Variants in GRB10 observed in about 807,000 individuals in gnomAD.
GRB10 encodes growth factor receptor bound protein 10, also known as growth factor receptor-bound protein 10.
In GRB10, 20 loss-of-function variants were observed where a neutral mutation model predicts 80.9. The observed-to-expected ratio is 0.25, with a 90% CI of 0.17 to 0.36. The LOEUF is 0.36. Among genes scored for constraint, GRB10 ranks in the 10% least tolerant of loss-of-function variants. The pLI, the probability that GRB10 is intolerant of heterozygous loss-of-function variation, is 1.00. For synonymous variants in GRB10, 291 were observed against 291.5 expected (o/e 1.00, Z 0.02); for missense variants, 548 against 747.7 (o/e 0.73, Z 3.12).
intron 7 of GRB10, among the ~76,000 whole-genome samples, chr7:50,643,413 A>C (rs954096056): frequency 6.6e-6 from 1 of 152,212 alleles, no homozygotes; most frequent in Non-Finnish European, 1.5e-5. Flanking sequence ...ACACAAACCA[A>C]AATGGCCCTT....
chr7:50,685,499 A>C (rs996155272), intron 5 of GRB10, among the ~76,000 whole-genome samples: 6 of 152,208 alleles, frequency 3.9e-5, no homozygotes, highest in Admixed American at 2.0e-4. Context: ...AGGGATCCCA[A>C]GCCCCAGCGT....
At chr7:50,682,031 G>A (rs1046123354) in intron 5 of GRB10, among the ~76,000 whole-genome samples, 7 of 152,336 alleles carry the variant, frequency 4.6e-5, no homozygotes, top group East Asian at 3.9e-4. Flanking sequence ...AGGGGGCTTT[G>A]CTTTCCTTGG....
intron 5 of GRB10, among the ~76,000 whole-genome samples, chr7:50,695,612 C>T (rs962539811): frequency 6.6e-6 from 1 of 152,172 alleles, no homozygotes; most frequent in African/African-American, 2.4e-5. Flanking sequence ...TCCGTGAGTT[C>T]TAATGGCTCC....
Position 50,616,352 on chromosome 7 carries a change from T to C in GRB10, c.847-5A>G. The C allele has an allele frequency of 1.9e-6, 3 of 1,613,538 alleles. No individual in the cohort carries two copies. Among genetic ancestry groups the C allele is most frequent in the Non-Finnish European group, 2.5e-6 (3 of 1,179,438 alleles). On this transcript the variant is annotated splice_polypyrimidine_tract_variant and splice_region_variant and intron_variant, in intron 10 of 18. Coordinates refer to ENST00000401949, the MANE Select transcript of GRB10 (RefSeq NM_001350814.2). ...ACTACTGGAGTTCAGAAAATTCTGT[T>C]GAAGAACAAATTTTTAAAATCACAT... is the stretch of plus-strand genomic sequence containing the variant.
intron 5 of GRB10, among the ~76,000 whole-genome samples, chr7:50,696,288 G>GCACT (rs1446757585): frequency 5.3e-5 from 8 of 152,110 alleles, no homozygotes; most frequent in African/African-American, 1.7e-4. Context: ...CCACTTCTTC[G>GCACT]CACTCACCAG....
intron 8 of GRB10, among the ~76,000 whole-genome samples, chr7:50,622,894 G>A (rs2052098685): frequency 6.6e-6 from 1 of 151,938 alleles, no homozygotes; most frequent in African/African-American, 2.4e-5. Flanking sequence ...GGGCTCAGGT[G>A]ATCCTCCTGC....
intron 2 of GRB10, among the ~76,000 whole-genome samples, chr7:50,769,894 T>C (rs1164727078): frequency 3.9e-5 from 6 of 152,144 alleles, no homozygotes; most frequent in Non-Finnish European, 7.4e-5. Context: ...TCGAATGACG[T>C]TGGTATCACA....
rs938297115 is a variant in GRB10, at chr7:50,597,322, G to A, written c.1545-1792C>T. On this transcript the variant is annotated intron_variant, in intron 17 of 18. Coordinates refer to ENST00000401949, the MANE Select transcript of GRB10 (RefSeq NM_001350814.2). ...TTGGCTTGGTCAGGCCAGATGGGAC[G>A]GCGTGAGGAAGCTCAGACCCCACTG... Among the ~76,000 whole-genome samples the A allele has an allele frequency of 1.2e-4, 18 of 152,318 alleles. No individual in the cohort carries two copies. In the East Asian group the frequency reaches 2.9e-3, roughly 24 times the overall value.
intron 8 of GRB10, among the ~76,000 whole-genome samples, chr7:50,623,388 C>T (rs1037379155): frequency 6.6e-6 from 1 of 152,222 alleles, no homozygotes; most frequent in Non-Finnish European, 1.5e-5. Context: ...CAAGTGCGTC[C>T]AGTAGTGAAT....
chr7:50,617,804 A>T, intron 10 of GRB10: 1 of 539,868 alleles, frequency 1.9e-6, no homozygotes, highest in South Asian at 2.1e-5. Context: ...CAGTGGCATC[A>T]CTGGACTCTT....
At chr7:50,645,666 C>A in intron 7 of GRB10, 3 of 982,202 alleles carry the variant, frequency 3.1e-6, no homozygotes, top group Non-Finnish European at 3.6e-6. Flanking sequence ...AAAGCAAACG[C>A]CGTCGTATCA....
At position 50,592,009 on chromosome 7, in the gene GRB10, G is replaced by A. The variant is rs1285432824; in HGVS notation, c.*943C>T. 1 of 152,258 alleles carries A rather than the reference G, an allele frequency of 6.6e-6. No individual in the cohort carries two copies. The highest frequency in any genetic ancestry group is 6.5e-5 in the Admixed American group (1 of 15,286). The allele number at this position is 152,258 out of a possible 1,614,324, so 9.4% of individuals were successfully genotyped here. ...GTAAGGCAGTGATCGTTCTAGAACA[G>A]GCTGAAGGCTGTGGAAACGCAAGGC... On this transcript the variant is annotated 3_prime_UTR_variant, in exon 19 of 19. Transcript: ENST00000401949.
At chr7:50,760,763 A>G (rs2075678207) in intron 2 of GRB10, among the ~76,000 whole-genome samples, 1 of 152,236 alleles carries the variant, frequency 6.6e-6, no homozygotes. Context: ...CACTGAAACA[A>G]GAGTGGGCAC....
intron 7 of GRB10, among the ~76,000 whole-genome samples, chr7:50,666,047 C>T (rs917152530): frequency 6.6e-6 from 1 of 152,168 alleles, no homozygotes; most frequent in African/African-American, 2.4e-5. Context: ...CTTGGTAAGC[C>T]TGCCTGGGGC....
intron 7 of GRB10, among the ~76,000 whole-genome samples, chr7:50,633,576 A>G (rs952559467): frequency 6.6e-6 from 1 of 152,224 alleles, no homozygotes; most frequent in Non-Finnish European, 1.5e-5. Flanking sequence ...CTTTGAAATG[A>G]CAGATAAAGA....
chr7:50,672,133 C>T (rs1054424624), intron 6 of GRB10, among the ~76,000 whole-genome samples: 4 of 152,216 alleles, frequency 2.6e-5, no homozygotes, highest in African/African-American at 9.6e-5. Flanking sequence ...TCTTGCCCTT[C>T]CCAAGTGTCT....
intron 4 of GRB10, among the ~76,000 whole-genome samples, chr7:50,710,210 G>A (rs1049554688): frequency 1.3e-5 from 2 of 152,014 alleles, no homozygotes; most frequent in African/African-American, 2.4e-5. Flanking sequence ...CCCCAGAAAC[G>A]GGCCTCCTTG....
At position 50,591,185 on chromosome 7, in the gene GRB10, T is replaced by C. The variant is rs910542420; in HGVS notation, c.*1767A>G. On this transcript the variant is annotated 3_prime_UTR_variant, in exon 19 of 19. Transcript: ENST00000401949. Reference sequence around the variant, plus strand: ...GGAAGAAAATGCAATTGAGCACTGATGGTTAAAAACATGTTTTGCTAGAAA... The same window carrying C: ...GGAAGAAAATGCAATTGAGCACTGACGGTTAAAAACATGTTTTGCTAGAAA... The C allele has an allele frequency of 2.0e-5, 3 of 152,240 alleles. No individual in the cohort carries two copies. The highest frequency in any genetic ancestry group is 7.2e-5 in the African/African-American group (3 of 41,474). The allele number at this position is 152,240 out of a possible 1,614,324, so 9.4% of individuals were successfully genotyped here.
At chr7:50,672,688 T>C (rs1341761342) in intron 6 of GRB10, among the ~76,000 whole-genome samples, 3 of 152,164 alleles carry the variant, frequency 2.0e-5, no homozygotes, top group Admixed American at 1.3e-4. Flanking sequence ...TCAAGGGTCC[T>C]GGGCAACTAC....
Sources: allele counts gnomAD v4.1 joint callset (sites outside exome capture counted in the v4.1 genomes callset), GRCh38; gene constraint gnomAD v4.1.1; transcripts MANE v1.5; gene names NCBI Gene and HGNC (gene_info 2026-07-23, HGNC 2026-07-21).